The following DPY19L1 variants were observed in gnomAD, a reference collection of about 807,000 sequenced individuals.
DPY19L1 encodes protein C-mannosyl-transferase DPY19L1.
Under a neutral mutation model 96.9 loss-of-function variants are expected in DPY19L1, and 35 were observed. The observed-to-expected ratio is 0.36, with a 90% CI of 0.28 to 0.48. The LOEUF (loss-of-function observed/expected upper bound fraction) is 0.48, where lower values mean the gene tolerates loss of function less well. DPY19L1 is among the 20% of genes least tolerant of loss of function. DPY19L1 has a pLI of 0.99. For synonymous variants in DPY19L1, 205 were observed against 252.6 expected (o/e 0.81, Z 1.79); for missense variants, 521 against 777.9 (o/e 0.67, Z 3.93).
At chr7:34,948,756 C>T (rs1176439048) in intron 14 of DPY19L1, among the ~76,000 whole-genome samples, 1 of 152,284 alleles carries the variant, frequency 6.6e-6, no homozygotes, top group East Asian at 1.9e-4. Flanking sequence ...GATATGCTTC[C>T]TTTGTTTGTT....
rs746948104 is a variant in DPY19L1, at chr7:34,945,632, A to T, written c.1544+35T>A. On this transcript the variant is annotated intron_variant, in intron 16 of 21. Transcript: ENST00000638088. Reference sequence around the variant, plus strand: ...GTAAATATCTATTTAATAAATGAACAGAGGAGGTAATAAAATTCTTAATAG... The same window carrying T: ...GTAAATATCTATTTAATAAATGAACTGAGGAGGTAATAAAATTCTTAATAG... 5.7e-5 allele frequency: 81 copies of T among 1,409,828 alleles called. 1 individual carries two copies. The South Asian group carries it at 9.1e-4, about 16-fold the overall frequency. The allele number at this position is 1,409,828 out of a possible 1,614,324, so 87.3% of individuals were successfully genotyped here.
intron 6 of DPY19L1, among the ~76,000 whole-genome samples, chr7:34,991,124 GAGC>G (rs1472267717): frequency 5.3e-5 from 8 of 152,248 alleles, no homozygotes; most frequent in Non-Finnish European, 1.2e-4. Context: ...GTTCCCCACA[GAGC>G]AGAAGACACA....
chr7:34,955,213 A>T, intron 12 of DPY19L1, 95 bp downstream of exon 12: 5 of 1,482,366 alleles, frequency 3.4e-6, no homozygotes, highest in Non-Finnish European at 3.7e-6. Context: ...GGATCCCCTG[A>T]GTTGCATAGA....
chr7:34,958,307 C>T (rs1032474924), intron 10 of DPY19L1, among the ~76,000 whole-genome samples: 2 of 152,164 alleles, frequency 1.3e-5, no homozygotes, highest in African/African-American at 4.8e-5. Flanking sequence ...TTTTGTAAAA[C>T]CACAAATGGA....
intron 3 of DPY19L1, 36 bp from the exon 4 acceptor site, chr7:35,013,741 G>A: frequency 6.6e-7 from 1 of 1,516,360 alleles, no homozygotes; most frequent in African/African-American, 1.4e-5. Context: ...AATAACAAAA[G>A]GTACATAATT....
intron 6 of DPY19L1, among the ~76,000 whole-genome samples, chr7:35,003,416 G>C (rs1785478049): frequency 6.6e-6 from 1 of 152,192 alleles, no homozygotes. Flanking sequence ...GTGTGAGCCT[G>C]GATGAGCCTG....
At position 34,986,079 on chromosome 7, in the gene DPY19L1, T is replaced by C. The variant is rs145676478; in HGVS notation, c.822+3805A>G. On this transcript the variant is annotated intron_variant, in intron 7 of 21. Coordinates refer to ENST00000638088, the MANE Select transcript of DPY19L1 (RefSeq NM_001366673.1). ...GCACAGGAAGGCAAATACTGTATGA[T>C]CTCAATTATATGTGGAATCTAAGAG... Among the ~76,000 whole-genome samples the C allele has an allele frequency of 3.8e-3, 580 of 152,128 alleles. 7 individuals carry two copies. The highest frequency in any genetic ancestry group is 0.012 in the African/African-American group (493 of 41,536).
chr7:35,031,708 C>T (rs1348459669), intron 1 of DPY19L1, among the ~76,000 whole-genome samples: 2 of 152,174 alleles, frequency 1.3e-5, no homozygotes, highest in Non-Finnish European at 2.9e-5. Context: ...CTTATATTTA[C>T]ATAAACTAAA....
At chr7:34,932,777 C>A (rs1411485882) in intron 21 of DPY19L1, among the ~76,000 whole-genome samples, 1 of 152,042 alleles carries the variant, frequency 6.6e-6, no homozygotes, top group East Asian at 1.9e-4. Context: ...TGCTATCTAC[C>A]TTTTGAGGAA....
rs1283610853 is a variant in DPY19L1, at chr7:35,013,598, A to G, written c.519T>C (p.Asn173=). ...DKLTEYPLVI[N]TLKRFNLYPE... Reference sequence around the variant, plus strand: ...GGTAAAGATTGAATCTTTTTAATGTATTAATGACAAGGGGGTATTCAGTCA... The same window carrying G: ...GGTAAAGATTGAATCTTTTTAATGTGTTAATGACAAGGGGGTATTCAGTCA... The change falls in exon 4 of 22, where the codon AAT becomes AAC. Residue 173 remains asparagine, a synonymous_variant. Transcript: ENST00000638088. 6.2e-7 allele frequency: 1 copy of G among 1,610,298 alleles called. No individual in the cohort carries two copies. The highest frequency in any genetic ancestry group is 8.5e-7 in the Non-Finnish European group (1 of 1,178,054).
chr7:34,946,098 C>T (rs1784139285), intron 15 of DPY19L1, among the ~76,000 whole-genome samples: 2 of 152,186 alleles, frequency 1.3e-5, no homozygotes, highest in Non-Finnish European at 2.9e-5. Context: ...CTTAACAGTG[C>T]ACTCAGAAAA....
At position 35,013,562 on chromosome 7, in the gene DPY19L1, C is replaced by A; in HGVS notation, c.549+6G>T. Reference sequence around the variant, plus strand: ...TGAAAAATCACAATTGGAAAAAGTACCTTACCTCAGGGTAAAGATTGAATC... The same window carrying A: ...TGAAAAATCACAATTGGAAAAAGTAACTTACCTCAGGGTAAAGATTGAATC... On this transcript the variant is annotated splice_donor_region_variant and intron_variant, in intron 4 of 21. Coordinates refer to ENST00000638088, the MANE Select transcript of DPY19L1 (RefSeq NM_001366673.1). 1.2e-6 allele frequency: 2 copies of A among 1,606,712 alleles called. No homozygotes were observed. Among genetic ancestry groups the A allele is most frequent in the South Asian group, 1.1e-5 (1 of 89,952 alleles).
intron 16 of DPY19L1, among the ~76,000 whole-genome samples, chr7:34,944,312 G>A (rs1433710234): frequency 2.1e-5 from 3 of 141,762 alleles, no homozygotes; most frequent in South Asian, 2.2e-4. Context: ...GCAGTGAGCC[G>A]AGATCGTGCC....
intron 6 of DPY19L1, among the ~76,000 whole-genome samples, chr7:34,996,861 A>T (rs1457541803): frequency 1.3e-5 from 2 of 152,184 alleles, no homozygotes; most frequent in Non-Finnish European, 2.9e-5. Flanking sequence ...TCCTCAAATG[A>T]TAAGACCACA....
intron 1 of DPY19L1, among the ~76,000 whole-genome samples, chr7:35,033,077 T>C (rs1034314846): frequency 1.3e-5 from 2 of 152,202 alleles, no homozygotes; most frequent in African/African-American, 4.8e-5. Flanking sequence ...CCTCAATGGC[T>C]TCCTGTTGCA....
At chr7:35,030,169 C>A (rs1291740530) in intron 1 of DPY19L1, among the ~76,000 whole-genome samples, 3 of 152,194 alleles carry the variant, frequency 2.0e-5, no homozygotes, top group Non-Finnish European at 4.4e-5. Flanking sequence ...GAAAAAGATT[C>A]TGCTGTTGAC....
intron 7 of DPY19L1, among the ~76,000 whole-genome samples, chr7:34,987,422 CA>C (rs1341495854): frequency 6.6e-6 from 1 of 152,036 alleles, no homozygotes; most frequent in African/African-American, 2.4e-5. Flanking sequence ...TCATGCTACA[CA>C]TTTTATAAAT....
intron 10 of DPY19L1, among the ~76,000 whole-genome samples, chr7:34,960,022 T>C (rs563771995): frequency 4.7e-5 from 7 of 149,528 alleles, no homozygotes; most frequent in African/African-American, 1.7e-4. Flanking sequence ...CTGTAGTATT[T>C]TTTGTATTAT....
chr7:35,008,282 A>C (rs1365656658), intron 6 of DPY19L1, among the ~76,000 whole-genome samples: 4 of 152,238 alleles, frequency 2.6e-5, no homozygotes, highest in Non-Finnish European at 5.9e-5. Flanking sequence ...GTTTTAAGAA[A>C]CTACTTGGTA....
Sources: gnomAD v4.1 joint callset for allele counts (sites outside exome capture counted in the v4.1 genomes callset) on GRCh38, gnomAD v4.1.1 for gene constraint, MANE v1.5 for transcripts, NCBI Gene and HGNC (gene_info 2026-07-23, HGNC 2026-07-21) for gene names.